USP1: variants seen among roughly 807,000 people sequenced by gnomAD.
USP1 encodes ubiquitin carboxyl-terminal hydrolase 1.
A neutral mutation model predicts 72.2 loss-of-function variants in USP1; 18 were observed. The ratio of observed to expected loss-of-function variants is 0.25; its 90% CI spans 0.17 to 0.37. The LOEUF is 0.37. Among genes scored for constraint, USP1 ranks in the 10% least tolerant of loss-of-function variants. The pLI is 1.00. For missense variants in USP1, 759 were observed against 884.9 expected, an observed-to-expected ratio of 0.86 and a Z score of 1.81; for synonymous variants, 354 against 303.7, an observed-to-expected ratio of 1.17 and a Z score of -1.72.
In USP1 at chr1:62,449,367, G is replaced by GA. The variant is rs571937648; in HGVS notation, c.1622+709dup. On this transcript the variant is annotated intron_variant, in intron 8 of 8. Transcript: ENST00000339950. Reference sequence around the variant, plus strand: ...AATCAAACTAGTCTTTCAACAGTTTGAAAAAAAATGCTGATTGTTTTGGAT... The same window carrying GA: ...AATCAAACTAGTCTTTCAACAGTTTGAAAAAAAAATGCTGATTGTTTTGGAT... 1.2e-3 allele frequency among the ~76,000 whole-genome samples: 175 copies of GA among 151,706 alleles called. 2 individuals carry two copies. The highest frequency in any genetic ancestry group is 3.8e-3 in the African/African-American group (158 of 41,408).
At chr1:62,438,620 A>C (rs1028030393) in intron 1 of USP1, among the ~76,000 whole-genome samples, 2 of 152,160 alleles carry the variant, frequency 1.3e-5, no homozygotes, top group African/African-American at 4.8e-5. Flanking sequence ...ATTTTATGGT[A>C]ATACTCTAGT....
chr1:62,444,219 A>G (rs1248433760), intron 5 of USP1, among the ~76,000 whole-genome samples: 2 of 144,192 alleles, frequency 1.4e-5, no homozygotes, highest in South Asian at 4.5e-4. Context: ...AGATTGCGCC[A>G]TTGCAGTCCA....
chr1:62,441,928 TGTTGTGTGTCCGTTGGCGC>T (rs1645137010), intron 3 of USP1, among the ~76,000 whole-genome samples: 5 of 152,134 alleles, frequency 3.3e-5, no homozygotes, highest in African/African-American at 9.7e-5. Flanking sequence ...GTTGGCATTG[TGTTGTGTGTCCGTTGGCGC>T]TGTGTTGTGT....
chr1:62,442,380 A>AC (rs1412130726), intron 4 of USP1, 81 bp downstream of exon 4: 4 of 975,136 alleles, frequency 4.1e-6, no homozygotes, highest in Middle Eastern at 2.5e-4. Flanking sequence ...AATGAAGAGG[A>AC]CTGGGGGGGT....
chr1:62,441,206 T>C (rs1645132054), intron 2 of USP1, among the ~76,000 whole-genome samples: 1 of 152,222 alleles, frequency 6.6e-6, no homozygotes, highest in Non-Finnish European at 1.5e-5. Context: ...TCATAGTCTC[T>C]CAGTTCCTCA....
chr1:62,449,160 A>C (rs978269786), intron 8 of USP1, among the ~76,000 whole-genome samples: 1 of 152,234 alleles, frequency 6.6e-6, no homozygotes, highest in Non-Finnish European at 1.5e-5. Context: ...CTGGGATTAC[A>C]GGCGTGAGCC....
intron 8 of USP1, 58 bp downstream of exon 8, chr1:62,448,724 T>G: frequency 6.6e-7 from 1 of 1,513,524 alleles, no homozygotes; most frequent in Non-Finnish European, 9.1e-7. Flanking sequence ...AAGATAAGTC[T>G]TGTTCAAAAT....
At chr1:62,437,707 C>T (rs1645100755) in intron 1 of USP1, among the ~76,000 whole-genome samples, 1 of 152,248 alleles carries the variant, frequency 6.6e-6, no homozygotes, top group South Asian at 2.1e-4. Context: ...CTCGTCCTTC[C>T]AGCTTTCTTT....
Position 62,445,003 on chromosome 1 carries a change from A to G in USP1, c.823A>G (p.Thr275Ala). Reference protein sequence around the residue: ...PKGNGKRKSDTEFGNMKKKVK... With the variant: ...PKGNGKRKSDAEFGNMKKKVK... The stretch of plus-strand genomic sequence containing the variant: ...AGGAAATGGGAAAAGAAAAAGTGAC[A>G]CTGAATTTGGTAACATGAAGAAAAA... Residue 275 changes from threonine to alanine, a missense_variant, in exon 6 of 9, where the codon ACT (threonine) becomes GCT (alanine). By Grantham distance (58) the Thr-to-Ala change is moderately conservative (BLOSUM62 0). This residue lies in a region of USP1 where 245 missense variants were observed against 240.7 expected (regional missense o/e 1.02). Transcript: ENST00000339950. The G allele has an allele frequency of 1.2e-6, 2 of 1,613,636 alleles. No individual in the cohort carries two copies. Among genetic ancestry groups the G allele is most frequent in the Non-Finnish European group, 1.7e-6 (2 of 1,179,882 alleles).
Position 62,450,751 on chromosome 1 carries a change from C to T in USP1, c.2128C>T (p.His710Tyr), listed in dbSNP as rs1178414373. The T allele has an allele frequency of 6.2e-7, 1 of 1,613,674 alleles. No individual in the cohort carries two copies. The highest frequency in any genetic ancestry group is 1.7e-5 in the Admixed American group (1 of 59,930). The change falls in exon 9 of 9, where the codon CAT (histidine) becomes TAT (tyrosine). Residue 710 changes from histidine (H) to tyrosine (Y), a missense_variant. Physicochemically the swap from His to Tyr is moderately conservative, Grantham distance 83. Around this residue, in one of 9 missense-constraint regions of USP1, gnomAD observed 159 missense variants for 140.9 expected, o/e 1.13. Coordinates refer to ENST00000339950, the MANE Select transcript of USP1 (RefSeq NM_003368.5). ...TGAGACTAGTGATACTACTGGGACC[C>T]ATGAATCTGATAGAAACAAGGAATC... ...NSETSDTTGT[H>Y]ESDRNKESSD... is the part of the protein sequence containing the mutation.
chr1:62,446,014 C>G (rs1418710209), intron 6 of USP1, among the ~76,000 whole-genome samples: 3 of 152,020 alleles, frequency 2.0e-5, no homozygotes, highest in African/African-American at 4.8e-5. Context: ...TAGGGAAGTT[C>G]AGTATATTTT....
chr1:62,445,949 A>C (rs946033269), intron 6 of USP1, among the ~76,000 whole-genome samples: 1 of 152,172 alleles, frequency 6.6e-6, no homozygotes. Flanking sequence ...ACTGCACTCC[A>C]GCCTGGGGCG....
rs138266056 is a variant in USP1 at position 62,439,906 on chromosome 1, A to C, written c.39A>C (p.Ser13=). The C allele has an allele frequency of 1.3e-6, 2 of 1,546,158 alleles. No individual in the cohort carries two copies. The highest frequency in any genetic ancestry group is 1.7e-6 in the Non-Finnish European group (2 of 1,152,572). ...TACCTAGTGAAAGTAATGGACTTTC[A>C]AGAGGTAGCCCTTCAAAGAAAAACA... ...GVIPSESNGL[S]RGSPSKKNRL... The change falls in exon 2 of 9, where the codon TCA becomes TCC. Residue 13 remains serine, a synonymous_variant. Transcript: ENST00000339950.
chr1:62,450,128 T>C lies in USP1; in HGVS notation c.1623-118T>C, dbSNP rs1474450747. The stretch of plus-strand genomic sequence containing the variant: ...TCTTGTTTTGATTCTGCTTTTCTGA[T>C]ATATGAACACTGGATATTAAGGGTT... On this transcript the variant is annotated intron_variant, in intron 8 of 8. Coordinates refer to ENST00000339950, the MANE Select transcript of USP1 (RefSeq NM_003368.5). 22 of 1,265,022 alleles carry C rather than the reference T, an allele frequency of 1.7e-5. No homozygotes were observed. The East Asian group carries it at 2.4e-4, about 14-fold the overall frequency. 78.4% of individuals were successfully genotyped at this position (1,265,022 alleles called of 1,614,324 possible).
chr1:62,445,412 T>C lies in USP1; in HGVS notation c.1232T>C (p.Val411Ala), dbSNP rs764707751. The change falls in exon 6 of 9, where the codon GTT becomes GCT. Residue 411 changes from valine to alanine, a missense_variant. Around this residue, in one of 9 missense-constraint regions of USP1, gnomAD observed 245 missense variants for 240.7 expected, o/e 1.02. Transcript: ENST00000339950. The stretch of plus-strand genomic sequence containing the variant: ...GTTACACCTGTAAATGTTAATGAAG[T>C]TAAACCCATAAACAAAGGTTAGTAT... Reference protein sequence around the residue: ...NTVTPVNVNEVKPINKGEEQI... With the variant: ...NTVTPVNVNEAKPINKGEEQI... The C allele has an allele frequency of 1.7e-5, 26 of 1,566,406 alleles. No individual in the cohort carries two copies. The highest frequency in any genetic ancestry group is 9.5e-6 in the Non-Finnish European group (11 of 1,160,806).
rs773143537 is a variant in USP1, at chr1:62,441,522, A to G, written c.205A>G (p.Ile69Val). ...TGTTCCTGCAGCACAGTCTTCACCT[A>G]TAAACTGTGAGAAGAGAGAAAACTT... is the stretch of plus-strand genomic sequence containing the variant. ...QVVPAAQSSP[I>V]NCEKRENLLP... The change falls in exon 3 of 9, where the codon ATA becomes GTA. Residue 69 changes from isoleucine to valine, a missense_variant. Transcript: ENST00000339950. The G allele has an allele frequency of 1.8e-5, 29 of 1,613,466 alleles. No homozygotes were observed. The highest frequency in any genetic ancestry group is 2.3e-5 in the Non-Finnish European group (27 of 1,179,762).
At position 62,437,222 on chromosome 1, in the gene USP1, G is replaced by C. The variant is rs570637480; in HGVS notation, c.-248G>C. ...TGCAAGACGGGAGCGAGCGGCGGTC[G>C]GGGTTCCCGCTCTTGGGAGCGGATG... is the stretch of plus-strand genomic sequence containing the variant. On this transcript the variant is annotated 5_prime_UTR_variant, in exon 1 of 9. Coordinates refer to ENST00000339950, the MANE Select transcript of USP1 (RefSeq NM_003368.5). The C allele has an allele frequency of 5.0e-6, 2 of 398,368 alleles. No homozygotes were observed. Among genetic ancestry groups the C allele is most frequent in the Admixed American group, 4.4e-5 (1 of 22,722 alleles). The allele number at this position is 398,368 out of a possible 1,614,324, so 24.7% of individuals were successfully genotyped here.
upstream of USP1, chr1:62,436,753 G>A: frequency 5.1e-6 from 1 of 197,254 alleles, no homozygotes. Context: ...TGAGGCTCGA[G>A]CCCGCCAGCC....
In USP1 at chr1:62,439,790, G is replaced by A; in HGVS notation, c.-69-9G>A. 1 of 1,229,080 alleles carries A rather than the reference G, an allele frequency of 8.1e-7. No homozygotes were observed. Among genetic ancestry groups the A allele is most frequent in the South Asian group, 3.2e-5 (1 of 31,688 alleles). The allele number at this position is 1,229,080 out of a possible 1,614,324, so 76.1% of individuals were successfully genotyped here. Reference sequence around the variant, plus strand: ...CAAAAACTAATGAAACTTTCTCTGTGATTAACAGATATAATTGGTGATTAC... The same window carrying A: ...CAAAAACTAATGAAACTTTCTCTGTAATTAACAGATATAATTGGTGATTAC... On this transcript the variant is annotated splice_polypyrimidine_tract_variant and intron_variant, in intron 1 of 8. Coordinates refer to ENST00000339950, the MANE Select transcript of USP1 (RefSeq NM_003368.5).
Sources: allele counts gnomAD v4.1 joint callset (sites outside exome capture counted in the v4.1 genomes callset), GRCh38; gene constraint gnomAD v4.1.1; regional missense constraint gnomAD v4.1.1; transcripts MANE v1.5; gene names NCBI Gene and HGNC (gene_info 2026-07-23, HGNC 2026-07-21).